KIF1A: variants seen among roughly 807,000 people sequenced by gnomAD.
KIF1A encodes kinesin-like protein KIF1A.
A neutral mutation model predicts 227.3 loss-of-function variants in KIF1A; 46 were observed. That is an observed-to-expected ratio of 0.20 (90% CI 0.16 to 0.26). The LOEUF (loss-of-function observed/expected upper bound fraction) is 0.26. Ranked by LOEUF, KIF1A falls within the 10% of genes least tolerant of loss-of-function variation. KIF1A has a pLI of 1.00. For synonymous variants in KIF1A, 1,022 were observed against 1,012.8 expected (o/e 1.01, Z -0.17); for missense variants, 1,683 against 2,485.9 (o/e 0.68, Z 6.87).
chr2:240,808,949 C>T (rs1482202521), intron 1 of KIF1A, among the ~76,000 whole-genome samples: 1 of 152,102 alleles, frequency 6.6e-6, no homozygotes, highest in South Asian at 2.1e-4. Flanking sequence ...CCAGGCTGGT[C>T]TTGAACTCCT....
chr2:240,803,984 C>CG, intron 1 of KIF1A, among the ~76,000 whole-genome samples: 1 of 152,230 alleles, frequency 6.6e-6, no homozygotes, highest in African/African-American at 2.4e-5. Context: ...ATTTCCTGCC[C>CG]GGGTCAGGCG....
At chr2:240,765,871 C>G (rs541244947) in intron 19 of KIF1A, 78 bp from the exon 20 acceptor site, 3 of 985,110 alleles carry the variant, frequency 3.0e-6, no homozygotes, top group African/African-American at 1.6e-5. Flanking sequence ...ACCTGGCCCC[C>G]GGGCATGGCC....
rs370648599 is a variant in KIF1A at position 240,758,410 on chromosome 2, G to A, written c.2532C>T (p.Thr844=). 26 of 1,612,688 alleles carry A rather than the reference G, an allele frequency of 1.6e-5. No individual in the cohort carries two copies. Among genetic ancestry groups the A allele is most frequent in the African/African-American group, 1.2e-4 (9 of 74,860 alleles). ...AGCGGTCATAGAAGGGGTCTCCGCC[G>A]GTCACCACGTTGTCACAGTCCTCGA... ...SVIEDCDNVV[T]GGDPFYDRFP... The change falls in exon 26 of 49, where the codon ACC becomes ACT. Residue 844 remains threonine, a synonymous_variant. Transcript: ENST00000498729. The surrounding 1 kb of genome is among the most constrained non-coding windows in gnomAD (Gnocchi z 5.2).
At position 240,771,222 on chromosome 2, in the gene KIF1A, G is replaced by T. The variant is rs761140837; in HGVS notation, c.1208-118C>A. The T allele has an allele frequency of 3.2e-6, 4 of 1,245,024 alleles. No homozygotes were observed. In the South Asian group the frequency reaches 5.1e-5, roughly 16 times the overall value. The allele number at this position is 1,245,024 out of a possible 1,614,324, so 77.1% of individuals were successfully genotyped here. A position where few individuals can be genotyped will look rare whatever the true frequency, so the allele number is the denominator to read the frequency against. On this transcript the variant is annotated intron_variant, in intron 14 of 48. Transcript: ENST00000498729. ...AGGGCGGGCAGACAGACAGAGGGAG[G>T]GAGAGAAAAAAGATGAAGATGGGAA...
intron 5 of KIF1A, among the ~76,000 whole-genome samples, 151 bp from the exon 6 acceptor site, chr2:240,786,664 G>GAGTGAGAGGGTA (rs1559529469): frequency 1.3e-5 from 1 of 75,818 alleles, no homozygotes; most frequent in Non-Finnish European, 2.9e-5. Context: ...GTGAGGGGGT[G>GAGTGAGAGGGTA]GGGGCCACCA....
At chr2:240,768,712 G>A (rs1406131428) in intron 17 of KIF1A, among the ~76,000 whole-genome samples, 1 of 152,198 alleles carries the variant, frequency 6.6e-6, no homozygotes, top group African/African-American at 2.4e-5. Context: ...GAAAAGAGGG[G>A]TCCCCACTGG....
Position 240,737,080 on chromosome 2 carries a change from G to T in KIF1A, c.3990C>A (p.His1330Gln). Reference sequence around the variant, plus strand: ...CGACTCACCGGTCATCTTGGGCTGGGTGGATGTATCCGGAAGAGAGGATGT... The same window carrying T: ...CGACTCACCGGTCATCTTGGGCTGGTTGGATGTATCCGGAAGAGAGGATGT... Reference protein sequence around the residue: ...SLNILSSGYIHPAQDDRTFYQ... With the variant: ...SLNILSSGYIQPAQDDRTFYQ... Residue 1330 changes from histidine to glutamine, a missense_variant, in exon 38 of 49, where the codon CAC becomes CAA. By Grantham distance (24) the His-to-Gln change is conservative. Transcript: ENST00000498729. 4.3e-6 allele frequency: 7 copies of T among 1,613,276 alleles called. No homozygotes were observed. Among genetic ancestry groups the T allele is most frequent in the Non-Finnish European group, 5.9e-6 (7 of 1,179,272 alleles).
intron 10 of KIF1A, among the ~76,000 whole-genome samples, chr2:240,777,933 G>A (rs959692042): frequency 1.3e-5 from 2 of 152,190 alleles, no homozygotes; most frequent in Admixed American, 6.5e-5. Flanking sequence ...CAGTCACGCG[G>A]TTCCCACGCG....
intron 25 of KIF1A, among the ~76,000 whole-genome samples, chr2:240,759,190 T>C (rs987093937): frequency 2.6e-5 from 4 of 152,026 alleles, no homozygotes; most frequent in African/African-American, 9.7e-5. Flanking sequence ...TGTATGTGTG[T>C]ATGAATGCAT....
At chr2:240,733,069 C>G (rs868071833) in intron 38 of KIF1A, among the ~76,000 whole-genome samples, 10 of 151,440 alleles carry the variant, frequency 6.6e-5, no homozygotes, top group Non-Finnish European at 1.0e-4. Context: ...AATGAGCTTC[C>G]TGGCCAGGCT....
Position 240,774,229 on chromosome 2 carries a change from A to G in KIF1A, c.991T>C (p.Leu331=), listed in dbSNP as rs1063353. 588,676 of 1,608,610 alleles carry G rather than the reference A, an allele frequency of 0.37. 114,082 individuals carry two copies. Among genetic ancestry groups the G allele is most frequent in the African/African-American group, 0.68 (51,192 of 74,874 alleles). The change falls in exon 12 of 49, where the codon TTG becomes CTG. Residue 331 remains leucine (L), a synonymous_variant. Coordinates refer to ENST00000498729, the MANE Select transcript of KIF1A (RefSeq NM_001244008.2). ...TCGTAGTTGATGTCTGCAGGACTCAAGGCTGCCACCATAGCTGTCCTTGAG... is the reference window on the plus strand; with the variant it reads ...TCGTAGTTGATGTCTGCAGGACTCAGGGCTGCCACCATAGCTGTCCTTGAG... ...GNSRTAMVAA[L]SPADINYDET...
In KIF1A at chr2:240,758,743, G is replaced by A. The variant is rs531535112; in HGVS notation, c.2445-246C>T. Among the ~76,000 whole-genome samples the A allele has an allele frequency of 2.6e-5, 4 of 152,278 alleles. No individual in the cohort carries two copies. The highest frequency in any genetic ancestry group is 7.2e-5 in the African/African-American group (3 of 41,562). ...AACAGCTCCTCCCAAACTCCCTCCA[G>A]GGGGTGGGCTGGGGAACAAGCAGTG... On this transcript the variant is annotated intron_variant, in intron 25 of 48. Coordinates refer to ENST00000498729, the MANE Select transcript of KIF1A (RefSeq NM_001244008.2). This position sits in a 1 kb window ranked among gnomAD's most constrained non-coding sequence, Gnocchi z 5.2.
At chr2:240,724,486 T>G in intron 40 of KIF1A, 1 of 225,086 alleles carries the variant, frequency 4.4e-6, no homozygotes, top group Non-Finnish European at 8.8e-6. Context: ...CCACAATTAC[T>G]GAGTGACCTC....
At chr2:240,762,839 A>G (rs1413164573) in intron 22 of KIF1A, 27 bp from the exon 23 acceptor site, 2 of 1,557,660 alleles carry the variant, frequency 1.3e-6, no homozygotes, top group Admixed American at 1.8e-5. Flanking sequence ...CTGTGACTCC[A>G]CTACGGCCCT....
chr2:240,743,854 C>T lies in KIF1A; in HGVS notation c.3584+88G>A, dbSNP rs573430292. 5.3e-5 allele frequency: 48 copies of T among 903,726 alleles called. No homozygotes were observed. In the East Asian group the frequency reaches 1.1e-3, roughly 21 times the overall value. The allele number at this position is 903,726 out of a possible 1,614,324, so 56.0% of individuals were successfully genotyped here. On this transcript the variant is annotated intron_variant, in intron 33 of 48. Transcript: ENST00000498729. ...AGGTGGGTTTCAGGGGGTGCATAGG[C>T]TCTGCAGCCTCAAGACAGCTGGATG...
At chr2:240,774,492 C>T (rs1312225827) in intron 11 of KIF1A, among the ~76,000 whole-genome samples, 1 of 149,432 alleles carries the variant, frequency 6.7e-6, no homozygotes, top group Non-Finnish European at 1.5e-5. Context: ...TATTATTTCT[C>T]TTTTACTTGT....
Position 240,778,511 on chromosome 2 carries a change from T to TACACCCACACACACAC in KIF1A, c.883-2586_883-2585insGTGTGTGTGTGGGTGT, listed in dbSNP as rs2053080075. On this transcript the variant is annotated intron_variant, in intron 10 of 48. Coordinates refer to ENST00000498729, the MANE Select transcript of KIF1A (RefSeq NM_001244008.2). The surrounding 1 kb of genome is among the most constrained non-coding windows in gnomAD (Gnocchi z 7.2). ...GGCGCTCGCAGCTCCCGCACAGCGT[T>TACACCCACACACACAC]ACACACACACACACACACACACACA... Among the ~76,000 whole-genome samples, 1 of 134,128 alleles carries TACACCCACACACACAC rather than the reference T, an allele frequency of 7.5e-6. No individual in the cohort carries two copies. Among genetic ancestry groups the TACACCCACACACACAC allele is most frequent in the Non-Finnish European group, 1.6e-5 (1 of 63,808 alleles). The allele number at this position is 134,128 out of a possible 152,430, so 88.0% of individuals were successfully genotyped here. A position where few individuals can be genotyped will look rare whatever the true frequency, so the allele number is the denominator to read the frequency against.
chr2:240,783,863 G>T, intron 7 of KIF1A, 47 bp from the exon 8 acceptor site: 1 of 1,421,100 alleles, frequency 7.0e-7, no homozygotes, highest in Non-Finnish European at 9.7e-7. Flanking sequence ...CAAGATGCGC[G>T]GGGGCATCCC....
chr2:240,771,783 T>C (rs943394853), intron 14 of KIF1A, among the ~76,000 whole-genome samples: 13 of 152,254 alleles, frequency 8.5e-5, no homozygotes, highest in African/African-American at 2.6e-4. Context: ...GGGACCCTCA[T>C]GAGGGAGGCC....
Sources: allele counts gnomAD v4.1 joint callset (sites outside exome capture counted in the v4.1 genomes callset), GRCh38; gene constraint gnomAD v4.1.1; non-coding constraint Gnocchi (gnomAD v3.1); transcripts MANE v1.5; gene names NCBI Gene and HGNC (gene_info 2026-07-23, HGNC 2026-07-21).